The following PPM1L variants were observed in gnomAD, a reference collection of about 807,000 sequenced individuals.
PPM1L encodes the protein protein phosphatase, Mg2+/Mn2+ dependent 1L, also known as protein phosphatase 1L.
A neutral mutation model predicts 31.4 loss-of-function variants in PPM1L; 13 were observed. The ratio of observed to expected loss-of-function variants is 0.41; its 90% CI spans 0.27 to 0.66. PPM1L has a LOEUF of 0.66. PPM1L is among the 30% of genes least tolerant of loss of function. The pLI, the probability that PPM1L is intolerant of heterozygous loss-of-function variation, is 0.29. For synonymous variants in PPM1L, 184 were observed against 175.4 expected, an observed-to-expected ratio of 1.05 and a Z score of -0.39; for missense variants, 326 against 453.7, an observed-to-expected ratio of 0.72 and a Z score of 2.56.
Position 161,012,436 on chromosome 3 carries a change from A to C in PPM1L, c.574+50526A>C, listed in dbSNP as rs184885956. On this transcript the variant is annotated intron_variant, in intron 2 of 3. Transcript: ENST00000498165. ...TCGGTTTGCTAGTATTTTATTGAGGATTTTTGCATCAATGTTAATCAAGGA... is the reference window on the plus strand; with the variant it reads ...TCGGTTTGCTAGTATTTTATTGAGGCTTTTTGCATCAATGTTAATCAAGGA... Among the ~76,000 whole-genome samples, 3 of 151,952 alleles carry C rather than the reference A, an allele frequency of 2.0e-5. No individual in the cohort carries two copies. The East Asian group carries it at 5.8e-4, about 29-fold the overall frequency.
intron 2 of PPM1L, among the ~76,000 whole-genome samples, chr3:161,001,928 C>A (rs778658): frequency 2.0e-5 from 3 of 151,402 alleles, no homozygotes; most frequent in Non-Finnish European, 2.9e-5. Context: ...TGCTGGTGCG[C>A]TGCACCCACT....
chr3:161,061,493 C>G (rs1176808587), intron 2 of PPM1L, among the ~76,000 whole-genome samples: 2 of 152,150 alleles, frequency 1.3e-5, no homozygotes, highest in South Asian at 2.1e-4. Flanking sequence ...CATGTGAGTA[C>G]AGTTGGCTCT....
intron 1 of PPM1L, among the ~76,000 whole-genome samples, chr3:160,909,513 G>A (rs965728994): frequency 7.2e-5 from 11 of 152,178 alleles, no homozygotes; most frequent in Admixed American, 4.6e-4. Context: ...TGGAAATTTT[G>A]TCTAGAGCTC....
chr3:160,922,250 C>T (rs1160626560), intron 1 of PPM1L, among the ~76,000 whole-genome samples: 3 of 151,876 alleles, frequency 2.0e-5, no homozygotes, highest in Non-Finnish European at 2.9e-5. Context: ...GTGGAGCTTG[C>T]AGTGAGCCGA....
At chr3:160,850,703 G>A (rs1196477900) in intron 1 of PPM1L, among the ~76,000 whole-genome samples, 1 of 152,108 alleles carries the variant, frequency 6.6e-6, no homozygotes, top group African/African-American at 2.4e-5. Flanking sequence ...ACTGGGCAGA[G>A]ACCAAATATA....
At chr3:160,896,852 AT>A (rs1056522696) in intron 1 of PPM1L, among the ~76,000 whole-genome samples, 10 of 152,134 alleles carry the variant, frequency 6.6e-5, no homozygotes, top group Admixed American at 3.9e-4. Context: ...TCATTTGAAA[AT>A]TTTAGATAAT....
At chr3:160,892,321 G>A (rs778279071) in intron 1 of PPM1L, among the ~76,000 whole-genome samples, 13 of 152,056 alleles carry the variant, frequency 8.5e-5, no homozygotes, top group Non-Finnish European at 1.6e-4. Flanking sequence ...GCGAGAGCAG[G>A]AGCAAGGCTG....
At chr3:160,937,040 C>T (rs1458096866) in intron 1 of PPM1L, among the ~76,000 whole-genome samples, 4 of 151,696 alleles carry the variant, frequency 2.6e-5, no homozygotes, top group East Asian at 1.9e-4. Flanking sequence ...GCTCAATAAC[C>T]GTCAGCACTT....
At chr3:160,960,148 C>CATAT (rs148309996) in intron 1 of PPM1L, among the ~76,000 whole-genome samples, 298 of 149,048 alleles carry the variant, frequency 2.0e-3, no homozygotes, top group Middle Eastern at 3.5e-3. Context: ...TAGCGTGTAT[C>CATAT]ATATATATAT....
chr3:161,056,733 A>C lies in PPM1L; in HGVS notation c.575-8670A>C, dbSNP rs1206273144. ...CCCAATCCTTAGCCCCTCCCTCAGCATTATGTCTGTGCAGTGTACAAAGCA... is the reference window on the plus strand; with the variant it reads ...CCCAATCCTTAGCCCCTCCCTCAGCCTTATGTCTGTGCAGTGTACAAAGCA... On this transcript the variant is annotated intron_variant, in intron 2 of 3. Transcript: ENST00000498165. Among the ~76,000 whole-genome samples, 6 of 152,166 alleles carry C rather than the reference A, an allele frequency of 3.9e-5. No individual in the cohort carries two copies. In the East Asian group the frequency reaches 7.7e-4, roughly 20 times the overall value.
chr3:160,859,466 G>A (rs1196144750), intron 1 of PPM1L, among the ~76,000 whole-genome samples: 1 of 152,170 alleles, frequency 6.6e-6, no homozygotes, highest in Non-Finnish European at 1.5e-5. Context: ...AAGAGGAATA[G>A]CTTCTCTATC....
At chr3:160,860,195 A>T (rs1335572498) in intron 1 of PPM1L, among the ~76,000 whole-genome samples, 1 of 152,170 alleles carries the variant, frequency 6.6e-6, no homozygotes, top group Non-Finnish European at 1.5e-5. Context: ...ACTTGTTTAA[A>T]AATAAAGAAG....
At chr3:161,062,483 TATTAC>T (rs1719602420) in intron 2 of PPM1L, among the ~76,000 whole-genome samples, 1 of 152,176 alleles carries the variant, frequency 6.6e-6, no homozygotes, top group African/African-American at 2.4e-5. Context: ...TCCCTATATT[TATTAC>T]ATTAATTCAG....
At chr3:160,979,096 A>T (rs2108032482) in intron 2 of PPM1L, among the ~76,000 whole-genome samples, 1 of 152,168 alleles carries the variant, frequency 6.6e-6, no homozygotes, top group East Asian at 1.9e-4. Flanking sequence ...ACAGGACAGG[A>T]TCCTAACTCA....
chr3:161,027,471 A>G lies in PPM1L; in HGVS notation c.575-37932A>G, dbSNP rs1301404010. Among the ~76,000 whole-genome samples the G allele has an allele frequency of 2.0e-5, 3 of 152,216 alleles. No individual in the cohort carries two copies. In the East Asian group the frequency reaches 5.8e-4, roughly 29 times the overall value. On this transcript the variant is annotated intron_variant, in intron 2 of 3. Transcript: ENST00000498165. ...CTCACAATCGTGGCAGAAGGCAAGG[A>G]GGAGCAAGTCTTACCTTACATGGAT...
chr3:160,844,621 A>AT (rs1010731041), intron 1 of PPM1L, among the ~76,000 whole-genome samples: 4 of 152,004 alleles, frequency 2.6e-5, no homozygotes, highest in African/African-American at 9.7e-5. Context: ...AATCTTAATG[A>AT]TTTACAACTT....
intron 2 of PPM1L, among the ~76,000 whole-genome samples, chr3:161,015,362 A>G (rs1017710301): frequency 5.3e-5 from 8 of 152,184 alleles, no homozygotes; most frequent in Non-Finnish European, 1.2e-4. Flanking sequence ...CAGTTGTAGT[A>G]AAACAAAACA....
At chr3:160,804,034 C>T (rs1209455315) in intron 1 of PPM1L, among the ~76,000 whole-genome samples, 1 of 152,160 alleles carries the variant, frequency 6.6e-6, no homozygotes, top group Non-Finnish European at 1.5e-5. Context: ...TCTCCTGCCT[C>T]AGCCTCCTGA....
rs199944428 is a variant in PPM1L, at chr3:161,078,611, T to C, written c.*9454T>C. 1.3e-5 allele frequency: 2 copies of C among 152,240 alleles called. No individual in the cohort carries two copies. The highest frequency in any genetic ancestry group is 4.8e-5 in the African/African-American group (2 of 41,464). The allele number at this position is 152,240 out of a possible 1,614,324, so 9.4% of individuals were successfully genotyped here. On this transcript the variant is annotated 3_prime_UTR_variant, in exon 4 of 4. Transcript: ENST00000498165. ...TCTTGGAAGTCTTCAGAGGTTATTA[T>C]ACCTACTGATCTGTATTTGTCTCTA...
Sources: gnomAD v4.1 joint callset for allele counts (sites outside exome capture counted in the v4.1 genomes callset) on GRCh38, gnomAD v4.1.1 for gene constraint, MANE v1.5 for transcripts, NCBI Gene and HGNC (gene_info 2026-07-23, HGNC 2026-07-21) for gene names.